Variants in DCC observed in about 807,000 individuals in gnomAD.
The protein encoded by DCC is netrin receptor DCC.
A neutral mutation model predicts 172.5 loss-of-function variants in DCC; 58 were observed. The ratio of observed to expected loss-of-function variants is 0.34; its 90% confidence interval spans 0.27 to 0.42. DCC has a LOEUF of 0.42. Ranked by LOEUF, DCC falls within the 10% of genes least tolerant of loss-of-function variation. The pLI is 1.00. For synonymous variants in DCC, 709 were observed against 644.5 expected, an observed-to-expected ratio of 1.10 and a Z score of -1.52; for missense variants, 1,740 against 1,791.0, an observed-to-expected ratio of 0.97 and a Z score of 0.51.
At chr18:53,254,356 C>A (rs1326261770) in intron 12 of DCC, among the ~76,000 whole-genome samples, 1 of 151,994 alleles carries the variant, frequency 6.6e-6, no homozygotes, top group African/African-American at 2.4e-5. Flanking sequence ...GGGTCTGCCT[C>A]TGGGATGGTA....
chr18:53,514,483 C>A (rs968481299), intron 27 of DCC, among the ~76,000 whole-genome samples: 4 of 151,640 alleles, frequency 2.6e-5, no homozygotes, highest in East Asian at 1.9e-4. Context: ...ACAAAAAAAA[C>A]CCTTCAAAAA....
intron 1 of DCC, among the ~76,000 whole-genome samples, chr18:52,484,480 A>T (rs1598854423): frequency 6.6e-6 from 1 of 152,234 alleles, no homozygotes; most frequent in East Asian, 1.9e-4. Context: ...CTGATTTTGT[A>T]TGATTTAGTA....
chr18:53,281,652 G>T (rs2056873900), intron 12 of DCC, among the ~76,000 whole-genome samples: 1 of 151,842 alleles, frequency 6.6e-6, no homozygotes, highest in Non-Finnish European at 1.5e-5. Flanking sequence ...TGAGCCCATT[G>T]TTAAATACGC....
intron 1 of DCC, among the ~76,000 whole-genome samples, chr18:52,611,493 G>T (rs1001299683): frequency 6.6e-6 from 1 of 152,162 alleles, no homozygotes; most frequent in African/African-American, 2.4e-5. Flanking sequence ...ATGTGTCTGA[G>T]CAGGTGCTGG....
intron 2 of DCC, among the ~76,000 whole-genome samples, chr18:52,780,223 T>C (rs760118473): frequency 2.6e-5 from 4 of 152,160 alleles, no homozygotes; most frequent in Admixed American, 6.6e-5. Context: ...TCAATAGATA[T>C]GTAGTTATAC....
intron 7 of DCC, among the ~76,000 whole-genome samples, chr18:53,134,811 TA>T (rs2043715507): frequency 6.6e-6 from 1 of 152,186 alleles, no homozygotes; most frequent in Non-Finnish European, 1.5e-5. Context: ...AGGTGGGGCT[TA>T]CAGAAGCAAG....
At chr18:53,080,488 A>C (rs558022922) in intron 7 of DCC, among the ~76,000 whole-genome samples, 1 of 152,266 alleles carries the variant, frequency 6.6e-6, no homozygotes, top group South Asian at 2.1e-4. Context: ...ATAAACTATG[A>C]TATTGTAAAA....
chr18:52,369,347 C>T (rs1484282166), intron 1 of DCC, among the ~76,000 whole-genome samples: 2 of 151,992 alleles, frequency 1.3e-5, no homozygotes, highest in Non-Finnish European at 2.9e-5. Flanking sequence ...TTTCTCCCCA[C>T]CTCAGGTCCT....
At chr18:53,395,150 CAAAAA>C (rs35414902) in intron 17 of DCC, among the ~76,000 whole-genome samples, 2 of 125,252 alleles carry the variant, frequency 1.6e-5, no homozygotes, top group Non-Finnish European at 3.2e-5. Flanking sequence ...AACTCCATCT[CAAAAA>C]AAAAAAAAAA....
intron 12 of DCC, among the ~76,000 whole-genome samples, chr18:53,216,677 T>C (rs1002549727): frequency 5.3e-5 from 8 of 152,174 alleles, no homozygotes; most frequent in African/African-American, 1.9e-4. Context: ...GTGATGTTAA[T>C]TGGATTTGTC....
chr18:52,832,266 C>T (rs2038629170), intron 2 of DCC, among the ~76,000 whole-genome samples: 1 of 152,020 alleles, frequency 6.6e-6, no homozygotes, highest in African/African-American at 2.4e-5. Flanking sequence ...CTCACAATGG[C>T]TTAGTGAGGC....
intron 1 of DCC, among the ~76,000 whole-genome samples, chr18:52,432,904 A>G (rs994275751): frequency 3.9e-5 from 6 of 152,164 alleles, no homozygotes; most frequent in Middle Eastern, 3.2e-3. Flanking sequence ...GGCAAACGGT[A>G]ATTCTGTCCT....
chr18:53,397,434 A>C lies in DCC; in HGVS notation c.2815A>C (p.Thr939Pro). Residue 939 changes from threonine to proline, a missense_variant, in exon 18 of 29, where the codon ACG becomes CCG. By Grantham distance (38) the Thr-to-Pro change is conservative (BLOSUM62 -1). This residue lies in a region of DCC where 1,732 missense variants were observed against 1,767.4 expected (regional missense o/e 0.98). Transcript: ENST00000442544. ...TTGGAGCATGACTGCACATGCCACC[A>C]CGTATGAAGCAGGTATGTGAGGAAA... The part of the protein sequence containing the change: ...STWSMTAHAT[T>P]YEAAPTSAPK... 6.2e-7 allele frequency: 1 copy of C among 1,614,044 alleles called. No homozygotes were observed. Among genetic ancestry groups the C allele is most frequent in the Non-Finnish European group, 8.5e-7 (1 of 1,179,940 alleles).
intron 7 of DCC, among the ~76,000 whole-genome samples, chr18:53,108,244 CAG>C (rs1428597326): frequency 1.3e-5 from 2 of 151,698 alleles, no homozygotes; most frequent in Admixed American, 6.6e-5. Flanking sequence ...AGTCAAGAAA[CAG>C]AACATTGACA....
At chr18:52,450,449 T>C (rs1013809533) in intron 1 of DCC, among the ~76,000 whole-genome samples, 4 of 152,234 alleles carry the variant, frequency 2.6e-5, no homozygotes, top group Non-Finnish European at 5.9e-5. Context: ...TCCAGACTAA[T>C]GGCTATTAAC....
chr18:53,145,200 C>T (rs577869310), intron 7 of DCC, among the ~76,000 whole-genome samples: 4 of 148,348 alleles, frequency 2.7e-5, no homozygotes, highest in South Asian at 2.2e-4. Flanking sequence ...CTGCAAGCTC[C>T]GCCTCCCGGT....
chr18:53,175,153 A>G (rs2055071739), intron 8 of DCC, among the ~76,000 whole-genome samples: 1 of 152,176 alleles, frequency 6.6e-6, no homozygotes, highest in African/African-American at 2.4e-5. Context: ...CTCTCAATAA[A>G]TTAGGTATTG....
intron 1 of DCC, among the ~76,000 whole-genome samples, chr18:52,619,019 C>T (rs1457275192): frequency 7.2e-5 from 11 of 152,142 alleles, no homozygotes; most frequent in African/African-American, 2.7e-4. Context: ...CTCACTGCAA[C>T]CTCCGCCTCC....
intron 1 of DCC, among the ~76,000 whole-genome samples, chr18:52,528,130 A>G (rs2032038520): frequency 6.6e-6 from 1 of 152,220 alleles, no homozygotes; most frequent in Non-Finnish European, 1.5e-5. Flanking sequence ...GAATACTTGT[A>G]TAATAGATGG....
Sources: gnomAD v4.1 joint callset for allele counts (sites outside exome capture counted in the v4.1 genomes callset) on GRCh38, gnomAD v4.1.1 for gene constraint, gnomAD v4.1.1 regional missense constraint, MANE v1.5 for transcripts, NCBI Gene and HGNC (gene_info 2026-07-23, HGNC 2026-07-21) for gene names.